The following NRXN1 variants were observed in gnomAD, a reference collection of about 807,000 sequenced individuals.
The protein encoded by NRXN1 is neurexin 1, also known as neurexin-1.
In NRXN1, 39 loss-of-function variants were observed where a neutral mutation model predicts 150.9. The ratio of observed to expected loss-of-function variants is 0.26; its 90% confidence interval spans 0.20 to 0.34. NRXN1 has a LOEUF of 0.34. Ranked by LOEUF, NRXN1 falls within the 10% of genes least tolerant of loss-of-function variation. The pLI is 1.00. For synonymous variants in NRXN1, 924 were observed against 757.0 expected (o/e 1.22, Z -3.62); for missense variants, 1,815 against 1,949.9 (o/e 0.93, Z 1.30).
At chr2:50,528,994 T>A (rs1167360326) in intron 11 of NRXN1, 1 of 236,942 alleles carries the variant, frequency 4.2e-6, no homozygotes, top group African/African-American at 2.3e-5. Flanking sequence ...TTCCGCAAAA[T>A]GTAAAAGTGC....
intron 8 of NRXN1, among the ~76,000 whole-genome samples, chr2:50,581,905 G>A (rs958560499): frequency 6.6e-6 from 1 of 152,044 alleles, no homozygotes; most frequent in Non-Finnish European, 1.5e-5. Context: ...TGGAACCATG[G>A]GCTAGGTCAT....
At chr2:50,824,929 A>G (rs1386623778) in intron 5 of NRXN1, among the ~76,000 whole-genome samples, 2 of 152,190 alleles carry the variant, frequency 1.3e-5, no homozygotes, top group Non-Finnish European at 2.9e-5. Context: ...ACAATTTGTT[A>G]TTATGTTTTT....
At chr2:50,077,232 C>G (rs1178670444) in intron 19 of NRXN1, among the ~76,000 whole-genome samples, 1 of 152,156 alleles carries the variant, frequency 6.6e-6, no homozygotes, top group Non-Finnish European at 1.5e-5. Context: ...CTAGCTCTTA[C>G]AAATAGGCAG....
intron 17 of NRXN1, among the ~76,000 whole-genome samples, chr2:50,441,102 T>C (rs1055925402): frequency 6.6e-6 from 1 of 152,184 alleles, no homozygotes; most frequent in Non-Finnish European, 1.5e-5. Flanking sequence ...CCTTTTCTTC[T>C]ACAGAATTTT....
chr2:51,018,832 G>T (rs1283988849), intron 2 of NRXN1, among the ~76,000 whole-genome samples: 1 of 151,980 alleles, frequency 6.6e-6, no homozygotes. Flanking sequence ...AAAATTTGTT[G>T]TAATATTATT....
At chr2:50,424,013 C>T (rs1018011163) in intron 17 of NRXN1, among the ~76,000 whole-genome samples, 2 of 151,842 alleles carry the variant, frequency 1.3e-5, no homozygotes, top group African/African-American at 4.8e-5. Flanking sequence ...GGAGCCAGAT[C>T]CTGTGAGGCT....
rs747484035 is a variant in NRXN1, at chr2:50,497,433, T to C, written c.2779A>G (p.Met927Val). ...GTCTTGAACTGGAAAAAAAGATGCA[T>C]AGAAGTGTAGGCTTGCAAGGTAGCT... ...ALATLQAYTS[M>V]HLFFQFKTTS... Residue 927 changes from methionine to valine, a missense_variant, in exon 14 of 23, where the codon ATG becomes GTG. Physicochemically the swap from Met to Val is conservative, Grantham distance 21. Transcript: ENST00000401669. 6.2e-7 allele frequency: 1 copy of C among 1,613,112 alleles called. No homozygotes were observed. The highest frequency in any genetic ancestry group is 8.5e-7 in the Non-Finnish European group (1 of 1,179,306).
intron 21 of NRXN1, among the ~76,000 whole-genome samples, chr2:50,046,582 T>C (rs1691844258): frequency 6.6e-6 from 1 of 152,206 alleles, no homozygotes; most frequent in Admixed American, 6.5e-5. Flanking sequence ...TTCTATTTTT[T>C]ATAGTTAAAA....
intron 5 of NRXN1, among the ~76,000 whole-genome samples, chr2:50,657,270 C>T (rs909505929): frequency 2.0e-5 from 3 of 152,022 alleles, no homozygotes; most frequent in Non-Finnish European, 4.4e-5. Flanking sequence ...TGGCTCCTTC[C>T]TCTGCCTGCT....
chr2:49,993,131 T>A (rs1682306686), intron 21 of NRXN1, among the ~76,000 whole-genome samples: 1 of 152,188 alleles, frequency 6.6e-6, no homozygotes, highest in African/African-American at 2.4e-5. Context: ...CGGCTTTATT[T>A]ATAATTGCCA....
At chr2:50,524,576 G>A (rs185576804) in intron 12 of NRXN1, among the ~76,000 whole-genome samples, 7 of 151,866 alleles carry the variant, frequency 4.6e-5, no homozygotes, top group Middle Eastern at 3.4e-3. Flanking sequence ...AGGTCATTCC[G>A]TAATTATGCC....
intron 21 of NRXN1, among the ~76,000 whole-genome samples, chr2:49,985,540 C>T (rs1016289292): frequency 9.2e-5 from 14 of 152,196 alleles, no homozygotes; most frequent in African/African-American, 3.4e-4. Context: ...GTCATTTGTG[C>T]ATAAACTCTA....
At chr2:50,720,143 A>G (rs1426389329) in intron 5 of NRXN1, among the ~76,000 whole-genome samples, 1 of 152,188 alleles carries the variant, frequency 6.6e-6, no homozygotes, top group African/African-American at 2.4e-5. Flanking sequence ...TTTTTGGATC[A>G]GAACATGCAA....
At chr2:50,186,790 C>T (rs565584501) in intron 18 of NRXN1, among the ~76,000 whole-genome samples, 1 of 152,096 alleles carries the variant, frequency 6.6e-6, no homozygotes, top group South Asian at 2.1e-4. Flanking sequence ...TAAGCAATAT[C>T]TCTTAACATG....
At chr2:50,795,243 A>T (rs537165180) in intron 5 of NRXN1, among the ~76,000 whole-genome samples, 121 of 152,168 alleles carry the variant, frequency 8.0e-4, no homozygotes, top group African/African-American at 2.8e-3. Flanking sequence ...GAGCCCCCAC[A>T]TTTACATTTT....
chr2:50,512,081 TA>T (rs548444639), intron 12 of NRXN1, among the ~76,000 whole-genome samples: 60 of 148,986 alleles, frequency 4.0e-4, no homozygotes, highest in African/African-American at 1.1e-3. Context: ...AAAAGCATAT[TA>T]AAAAAAAAAC....
rs535719777 is a variant in NRXN1 at position 50,680,980 on chromosome 2, T to TA, written c.833-57366dup. On this transcript the variant is annotated intron_variant, in intron 5 of 22. Transcript: ENST00000401669. ...ACTACAATAATAATAGTTAACTTAG[T>TA]AAAAAAAAAATTCTGTGTCTTCACA... Among the ~76,000 whole-genome samples the TA allele has an allele frequency of 6.7e-4, 101 of 150,546 alleles. No homozygotes were observed. The South Asian group carries it at 0.019, about 28-fold the overall frequency.
At chr2:50,177,075 G>C (rs922094645) in intron 18 of NRXN1, among the ~76,000 whole-genome samples, 1 of 152,146 alleles carries the variant, frequency 6.6e-6, no homozygotes, top group Non-Finnish European at 1.5e-5. Context: ...TGTTCTTGCA[G>C]AAGTAATGTC....
intron 22 of NRXN1, among the ~76,000 whole-genome samples, chr2:49,935,564 G>A (rs1004925720): frequency 5.3e-5 from 8 of 152,214 alleles, no homozygotes; most frequent in African/African-American, 1.9e-4. Context: ...ACAAGTTACT[G>A]TGTTGAGATG....
Sources: gnomAD v4.1 joint callset for allele counts (sites outside exome capture counted in the v4.1 genomes callset) on GRCh38, gnomAD v4.1.1 for gene constraint, MANE v1.5 for transcripts, NCBI Gene and HGNC (gene_info 2026-07-23, HGNC 2026-07-21) for gene names.